The following ERC2 variants were observed in gnomAD, a reference collection of about 807,000 sequenced individuals.
The protein encoded by ERC2 is ERC protein 2.
Under a neutral mutation model 114.8 loss-of-function variants are expected in ERC2, and 42 were observed. That is an observed-to-expected ratio of 0.37 (90% CI 0.29 to 0.47). The LOEUF is 0.47. Ranked by LOEUF, ERC2 falls within the 20% of genes least tolerant of loss-of-function variation. ERC2 has a pLI of 0.99. For synonymous variants in ERC2, 454 were observed against 425.5 expected (o/e 1.07, Z -0.82); for missense variants, 939 against 1,150.7 (o/e 0.82, Z 2.66).
At chr3:55,557,701 A>G (rs2055713837) in intron 17 of ERC2, among the ~76,000 whole-genome samples, 1 of 152,222 alleles carries the variant, frequency 6.6e-6, no homozygotes, top group African/African-American at 2.4e-5. Context: ...AAAACCTTAC[A>G]TGGTCTGATC....
At chr3:55,553,774 C>T (rs894806706) in intron 17 of ERC2, among the ~76,000 whole-genome samples, 5 of 151,368 alleles carry the variant, frequency 3.3e-5, no homozygotes, top group African/African-American at 1.2e-4. Flanking sequence ...AGTGAGACTC[C>T]GTCTCAAAAA....
intron 2 of ERC2, among the ~76,000 whole-genome samples, chr3:56,433,191 AAAGAGAGAG>A (rs763549446): frequency 2.7e-4 from 6 of 22,212 alleles, no homozygotes; most frequent in Non-Finnish European, 5.7e-4. Flanking sequence ...AAAAAAAAAA[AAAGAGAGAG>A]AGAGAGAGAG....
chr3:55,948,615 A>G (rs955133643), intron 13 of ERC2, among the ~76,000 whole-genome samples: 13 of 152,194 alleles, frequency 8.5e-5, no homozygotes, highest in Admixed American at 7.9e-4. Flanking sequence ...CAGGAATGCA[A>G]CTAAGCAATT....
At chr3:56,054,224 T>C (rs1325978820) in intron 7 of ERC2, among the ~76,000 whole-genome samples, 2 of 152,198 alleles carry the variant, frequency 1.3e-5, no homozygotes, top group African/African-American at 4.8e-5. Context: ...TGTCAGGCAG[T>C]GCTTAAAGAG....
At chr3:56,050,592 G>A (rs1246032325) in intron 7 of ERC2, among the ~76,000 whole-genome samples, 1 of 152,086 alleles carries the variant, frequency 6.6e-6, no homozygotes, top group Non-Finnish European at 1.5e-5. Context: ...CACCCTCTCT[G>A]GCTCAGCAAA....
At chr3:55,966,746 A>G (rs1458744640) in intron 12 of ERC2, among the ~76,000 whole-genome samples, 1 of 152,120 alleles carries the variant, frequency 6.6e-6, no homozygotes, top group African/African-American at 2.4e-5. Context: ...AGAGCTAACC[A>G]TGATAATCCT....
rs554828401 is a variant in ERC2, at chr3:56,264,854, C to T, written c.1074+31165G>A. On this transcript the variant is annotated intron_variant, in intron 3 of 17. Transcript: ENST00000288221. ...AAAAAAAAAAATCAAGAAAATGATC[C>T]GATTTACAATTTCAAAAGCAACAAA... Among the ~76,000 whole-genome samples the T allele has an allele frequency of 9.3e-5, 14 of 149,970 alleles. No homozygotes were observed. In the South Asian group the frequency reaches 2.5e-3, roughly 27 times the overall value.
chr3:56,454,110 G>A (rs141315916), intron 1 of ERC2, among the ~76,000 whole-genome samples: 1 of 152,266 alleles, frequency 6.6e-6, no homozygotes, highest in Non-Finnish European at 1.5e-5. Context: ...TTGCAAAACA[G>A]ATGATTCAAC....
chr3:56,167,494 G>T (rs1289003500), intron 4 of ERC2, among the ~76,000 whole-genome samples: 1 of 152,068 alleles, frequency 6.6e-6, no homozygotes, highest in East Asian at 1.9e-4. Context: ...AATCTTACTT[G>T]CTTCTAAGTG....
chr3:55,623,137 G>A (rs1264451651), intron 17 of ERC2, among the ~76,000 whole-genome samples: 1 of 152,156 alleles, frequency 6.6e-6, no homozygotes, highest in Non-Finnish European at 1.5e-5. Flanking sequence ...CAGTGCAGTG[G>A]GAGGCACAAG....
intron 14 of ERC2, among the ~76,000 whole-genome samples, chr3:55,758,541 G>A (rs1236309864): frequency 6.6e-6 from 1 of 152,208 alleles, no homozygotes; most frequent in African/African-American, 2.4e-5. Flanking sequence ...CCTATCTTTG[G>A]CAGTGTTCTA....
At chr3:55,719,436 T>C (rs748691663) in intron 15 of ERC2, among the ~76,000 whole-genome samples, 20 of 152,234 alleles carry the variant, frequency 1.3e-4, no homozygotes, top group Admixed American at 2.6e-4. Flanking sequence ...GAACCCACTC[T>C]GCCTCTTGCC....
At chr3:56,033,030 C>CAGAAAGAAAGAAAGAAAGAAAGAA (rs71099612) in intron 7 of ERC2, among the ~76,000 whole-genome samples, 9 of 65,260 alleles carry the variant, frequency 1.4e-4, no homozygotes, top group East Asian at 7.1e-4. Context: ...AAAAAAGAAA[C>CAGAAAGAAAGAAAGAAAGAAAGAA]AGAAAGAAAG....
intron 3 of ERC2, among the ~76,000 whole-genome samples, chr3:56,233,788 T>A (rs1369777694): frequency 6.6e-6 from 1 of 152,206 alleles, no homozygotes; most frequent in Non-Finnish European, 1.5e-5. Flanking sequence ...TGGCCCGTAT[T>A]GCTTGGCTCA....
At chr3:55,624,609 G>A (rs2059441564) in intron 17 of ERC2, among the ~76,000 whole-genome samples, 1 of 152,196 alleles carries the variant, frequency 6.6e-6, no homozygotes, top group African/African-American at 2.4e-5. Context: ...GACGGCATGG[G>A]TCTGAGGCTC....
At chr3:56,148,862 T>C (rs970686942) in intron 5 of ERC2, 115 bp downstream of exon 5, 1 of 904,826 alleles carries the variant, frequency 1.1e-6, no homozygotes, top group South Asian at 2.4e-5. Context: ...GTTGTCCATA[T>C]ATTAAATAAT....
intron 6 of ERC2, among the ~76,000 whole-genome samples, chr3:56,107,487 T>C (rs2078733580): frequency 6.6e-6 from 1 of 152,076 alleles, no homozygotes; most frequent in Non-Finnish European, 1.5e-5. Context: ...GTCAAGCCAC[T>C]CACCCAGTCT....
chr3:55,778,041 C>T (rs1418518734), intron 14 of ERC2, among the ~76,000 whole-genome samples: 1 of 151,888 alleles, frequency 6.6e-6, no homozygotes, highest in Non-Finnish European at 1.5e-5. Flanking sequence ...TGACATGATC[C>T]TTTTTCAATG....
intron 2 of ERC2, among the ~76,000 whole-genome samples, chr3:56,343,192 T>TCTCTCACACACACACA (rs1376220124): frequency 2.7e-4 from 34 of 126,126 alleles, no homozygotes; most frequent in African/African-American, 5.7e-4. Flanking sequence ...TCTCTCTCTC[T>TCTCTCACACACACACA]CACACACACA....
Sources: gnomAD v4.1 joint callset for allele counts (sites outside exome capture counted in the v4.1 genomes callset) on GRCh38, gnomAD v4.1.1 for gene constraint, MANE v1.5 for transcripts, NCBI Gene and HGNC (gene_info 2026-07-23, HGNC 2026-07-21) for gene names.